Variants in PTPRD observed in about 807,000 individuals in gnomAD.
The protein encoded by PTPRD is protein tyrosine phosphatase receptor type D.
PTPRD carries 34 observed loss-of-function variants against 214.5 expected under a neutral mutation model. That is an observed-to-expected ratio of 0.16 (90% CI 0.12 to 0.21). The LOEUF is 0.21. PTPRD is among the 10% of genes least tolerant of loss of function. The pLI is 1.00. For synonymous variants in PTPRD, 1,128 were observed against 845.7 expected, an observed-to-expected ratio of 1.33 and a Z score of -5.79; for missense variants, 2,545 against 2,398.7, an observed-to-expected ratio of 1.06 and a Z score of -1.27.
At chr9:8,944,051 A>AG (rs1227191072) in intron 11 of PTPRD, among the ~76,000 whole-genome samples, 29 of 152,036 alleles carry the variant, frequency 1.9e-4, no homozygotes, top group Admixed American at 5.9e-4. Flanking sequence ...ACAACTAAGT[A>AG]GGAAAAAAAA....
intron 44 of PTPRD, among the ~76,000 whole-genome samples, chr9:8,327,930 C>G: frequency 6.7e-6 from 1 of 149,546 alleles, no homozygotes; most frequent in East Asian, 2.0e-4. Flanking sequence ...GATGGGTCTC[C>G]TGAATACAGC....
At chr9:9,198,172 T>C (rs2099939752) in intron 9 of PTPRD, among the ~76,000 whole-genome samples, 1 of 152,212 alleles carries the variant, frequency 6.6e-6, no homozygotes, top group South Asian at 2.1e-4. Context: ...TCACTTATTA[T>C]TTTAATTTCA....
intron 9 of PTPRD, among the ~76,000 whole-genome samples, chr9:9,259,109 C>A (rs6477384): frequency 0.34 from 51,031 of 151,480 alleles, 9,889 homozygotes; most frequent in African/African-American, 0.53. Context: ...GACTGAACTA[C>A]TCAAAATTCC....
chr9:9,172,959 G>A (rs61507290), intron 10 of PTPRD, among the ~76,000 whole-genome samples: 4,190 of 152,176 alleles, frequency 0.028, 207 homozygotes, highest in African/African-American at 0.097. Context: ...TGTTCAGAAT[G>A]TTCAATGAGA....
At chr9:9,312,042 T>C (rs1269041018) in intron 9 of PTPRD, among the ~76,000 whole-genome samples, 1 of 152,236 alleles carries the variant, frequency 6.6e-6, no homozygotes, top group Admixed American at 6.5e-5. Context: ...AGTGTAAATG[T>C]AGTATCTTCA....
chr9:10,212,247 A>G (rs1773251991), intron 3 of PTPRD, among the ~76,000 whole-genome samples: 1 of 152,128 alleles, frequency 6.6e-6, no homozygotes, highest in Non-Finnish European at 1.5e-5. Context: ...AGCAAAAGAA[A>G]GAGTAGGATG....
intron 6 of PTPRD, among the ~76,000 whole-genome samples, chr9:9,765,499 TGTGTGGGGCTGGAAGAA>T (rs1437211569): frequency 6.6e-6 from 1 of 152,156 alleles, no homozygotes; most frequent in Non-Finnish European, 1.5e-5. Context: ...CATCAAGTCA[TGTGTGGGGCTGGAAGAA>T]CCTTGAATAG....
At chr9:9,769,014 C>T (rs968636528) in intron 5 of PTPRD, among the ~76,000 whole-genome samples, 4 of 151,576 alleles carry the variant, frequency 2.6e-5, no homozygotes, top group East Asian at 1.9e-4. Flanking sequence ...AGTTATAGAA[C>T]GAAGGAAAGG....
At chr9:10,297,231 G>A (rs1167079587) in intron 3 of PTPRD, among the ~76,000 whole-genome samples, 1 of 151,250 alleles carries the variant, frequency 6.6e-6, no homozygotes, top group East Asian at 1.9e-4. Context: ...AACTGCATGA[G>A]AAAACTGAAT....
intron 3 of PTPRD, among the ~76,000 whole-genome samples, chr9:10,125,056 G>T (rs1290457851): frequency 6.6e-6 from 1 of 152,202 alleles, no homozygotes; most frequent in Admixed American, 6.5e-5. Flanking sequence ...GAAAGTGAAG[G>T]TGGTTGTCTG....
intron 44 of PTPRD, among the ~76,000 whole-genome samples, chr9:8,330,755 C>T (rs188160114): frequency 2.7e-4 from 41 of 152,098 alleles, no homozygotes; most frequent in African/African-American, 9.7e-4. Context: ...TAATATTTGT[C>T]CTATTTTGAG....
At chr9:9,113,742 G>C (rs140918106) in intron 10 of PTPRD, among the ~76,000 whole-genome samples, 11 of 152,238 alleles carry the variant, frequency 7.2e-5, no homozygotes, top group African/African-American at 2.6e-4. Context: ...CAGGGTCTCA[G>C]CAAGGCATAT....
chr9:9,409,243 C>A (rs541594707), intron 8 of PTPRD, among the ~76,000 whole-genome samples: 2 of 151,988 alleles, frequency 1.3e-5, no homozygotes, highest in African/African-American at 2.4e-5. Context: ...GCACCTGCCA[C>A]TCCTCTTGCA....
At chr9:8,563,837 G>C (rs1297335781) in intron 14 of PTPRD, among the ~76,000 whole-genome samples, 1 of 152,088 alleles carries the variant, frequency 6.6e-6, no homozygotes, top group Non-Finnish European at 1.5e-5. Flanking sequence ...CTAAGTTTTT[G>C]TATTTTTAGT....
chr9:9,742,994 G>A (rs2098419843), intron 6 of PTPRD, among the ~76,000 whole-genome samples: 1 of 151,992 alleles, frequency 6.6e-6, no homozygotes. Context: ...GTACTTCTAT[G>A]TCATACCAAT....
chr9:8,436,750 C>T, intron 34 of PTPRD, 61 bp from the exon 35 acceptor site: 1 of 1,290,812 alleles, frequency 7.7e-7, no homozygotes, highest in Non-Finnish European at 1.1e-6. Flanking sequence ...GCTAACTATT[C>T]CAAAATATAG....
At chr9:10,423,493 T>C (rs1015369542) in intron 2 of PTPRD, among the ~76,000 whole-genome samples, 9 of 151,890 alleles carry the variant, frequency 5.9e-5, no homozygotes, top group African/African-American at 2.2e-4. Flanking sequence ...GTCCTTGTTC[T>C]AAAGGAGATT....
At chr9:10,179,525 G>T (rs1052755302) in intron 3 of PTPRD, among the ~76,000 whole-genome samples, 3 of 151,972 alleles carry the variant, frequency 2.0e-5, no homozygotes, top group Non-Finnish European at 4.4e-5. Context: ...TTTATATATT[G>T]CTTGGAAATA....
chr9:9,552,142 T>A (rs2080432898), intron 8 of PTPRD, among the ~76,000 whole-genome samples: 1 of 151,970 alleles, frequency 6.6e-6, no homozygotes, highest in Admixed American at 6.6e-5. Context: ...GTATCTCACT[T>A]TTACCAATAA....
Sources: gnomAD v4.1 joint callset for allele counts (sites outside exome capture counted in the v4.1 genomes callset) on GRCh38, gnomAD v4.1.1 for gene constraint, MANE v1.5 for transcripts, NCBI Gene and HGNC (gene_info 2026-07-23, HGNC 2026-07-21) for gene names.